Variants in PPARGC1A observed in about 807,000 individuals in gnomAD.
PPARGC1A encodes peroxisome proliferator-activated receptor gamma coactivator 1-alpha.
PPARGC1A carries 25 observed loss-of-function variants against 88.7 expected under a neutral mutation model. The ratio of observed to expected loss-of-function variants is 0.28; its 90% CI spans 0.21 to 0.39. PPARGC1A has a LOEUF of 0.39. Among genes scored for constraint, PPARGC1A ranks in the 10% least tolerant of loss-of-function variants. The pLI is 1.00. For synonymous variants in PPARGC1A, 363 were observed against 355.6 expected, an observed-to-expected ratio of 1.02 and a Z score of -0.24; for missense variants, 880 against 968.7, an observed-to-expected ratio of 0.91 and a Z score of 1.22.
upstream of PPARGC1A, among the ~76,000 whole-genome samples, chr4:23,907,022 T>G (rs1484992419): frequency 6.6e-6 from 1 of 152,206 alleles, no homozygotes; most frequent in Non-Finnish European, 1.5e-5. Context: ...CCTGGCAGTC[T>G]GGCGAGCTAT....
chr4:24,145,625 G>A, the PPARGC1A span, among the ~76,000 whole-genome samples: 95 of 152,290 alleles, frequency 6.2e-4, no homozygotes, highest in African/African-American at 2.3e-3. Context: ...TGTAGGAGAG[G>A]CAATGTTTAA....
At chr4:24,056,848 G>C in the PPARGC1A span, among the ~76,000 whole-genome samples, 1 of 152,286 alleles carries the variant, frequency 6.6e-6, no homozygotes, top group African/African-American at 2.4e-5. Context: ...GTGCACTATT[G>C]GTGGAGTGTA....
chr4:23,888,111 G>A (rs1717217729), intron 1 of PPARGC1A, among the ~76,000 whole-genome samples: 2 of 152,322 alleles, frequency 1.3e-5, no homozygotes, highest in Middle Eastern at 3.4e-3. Context: ...GCTACCTGCT[G>A]CTCGTAATAT....
At chr4:24,346,210 A>G in the PPARGC1A span, among the ~76,000 whole-genome samples, 7 of 152,116 alleles carry the variant, frequency 4.6e-5, no homozygotes, top group African/African-American at 1.2e-4. Context: ...TTTAGCATCT[A>G]TGTTCATCAG....
the PPARGC1A span, among the ~76,000 whole-genome samples, chr4:24,291,037 C>T: frequency 6.6e-6 from 1 of 152,212 alleles, no homozygotes; most frequent in African/African-American, 2.4e-5. Context: ...ATTCACCCCT[C>T]CTCTCTGGTT....
chr4:24,235,434 A>G, the PPARGC1A span, among the ~76,000 whole-genome samples: 4 of 152,152 alleles, frequency 2.6e-5, no homozygotes, highest in African/African-American at 9.7e-5. Flanking sequence ...CCACATGAGA[A>G]TTGTCTGATG....
chr4:24,148,287 A>G, the PPARGC1A span, among the ~76,000 whole-genome samples: 2 of 152,180 alleles, frequency 1.3e-5, no homozygotes, highest in South Asian at 2.1e-4. Context: ...TTGTCCCTGT[A>G]TCTTTGGCTC....
chr4:23,816,439 C>T (rs1259880243), intron 7 of PPARGC1A, among the ~76,000 whole-genome samples: 1 of 152,134 alleles, frequency 6.6e-6, no homozygotes, highest in African/African-American at 2.4e-5. Flanking sequence ...TATCTTTTCT[C>T]TCCATTTTCA....
At chr4:24,099,980 G>A in the PPARGC1A span, among the ~76,000 whole-genome samples, 1 of 131,892 alleles carries the variant, frequency 7.6e-6, no homozygotes, top group Admixed American at 7.9e-5. Context: ...TGTGGGGTGG[G>A]GGGAGGGGGG....
the PPARGC1A span, among the ~76,000 whole-genome samples, chr4:24,386,973 C>T: frequency 6.6e-6 from 1 of 152,180 alleles, no homozygotes; most frequent in Non-Finnish European, 1.5e-5. Flanking sequence ...AGGCATCATG[C>T]TACCCGACTT....
At chr4:23,910,876 T>C in the PPARGC1A span, among the ~76,000 whole-genome samples, 2 of 152,090 alleles carry the variant, frequency 1.3e-5, no homozygotes, top group South Asian at 2.1e-4. Flanking sequence ...GGGTTACACA[T>C]GTAACATGCA....
At chr4:23,817,112 A>T (rs1722132031) in intron 7 of PPARGC1A, among the ~76,000 whole-genome samples, 1 of 152,164 alleles carries the variant, frequency 6.6e-6, no homozygotes, top group Admixed American at 6.5e-5. Flanking sequence ...TTTTAGATTT[A>T]TAAAAAGAAA....
the PPARGC1A span, among the ~76,000 whole-genome samples, chr4:24,010,560 A>C: frequency 1.3e-5 from 2 of 152,094 alleles, no homozygotes; most frequent in Non-Finnish European, 2.9e-5. Flanking sequence ...GGAAGGACAG[A>C]CCAAAAAAAA....
the PPARGC1A span, among the ~76,000 whole-genome samples, chr4:24,268,527 T>C: frequency 6.6e-6 from 1 of 152,198 alleles, no homozygotes; most frequent in African/African-American, 2.4e-5. Flanking sequence ...ATTTCATAGA[T>C]AAGTAATACA....
chr4:24,144,638 G>C, the PPARGC1A span, among the ~76,000 whole-genome samples: 2 of 147,406 alleles, frequency 1.4e-5, no homozygotes, highest in Admixed American at 6.7e-5. Context: ...CGCAGAGAGG[G>C]AGCCACCGAG....
intron 2 of PPARGC1A, among the ~76,000 whole-genome samples, chr4:23,877,362 A>AAAC (rs2148803963): frequency 1.6e-4 from 1 of 6,230 alleles, no homozygotes; most frequent in Admixed American, 6.6e-4. Context: ...TAAAAATACA[A>AAAC]AAAAAAAAAA....
upstream of PPARGC1A, among the ~76,000 whole-genome samples, chr4:23,902,952 A>G (rs115247219): frequency 2.8e-3 from 421 of 152,320 alleles, no homozygotes; most frequent in African/African-American, 9.8e-3. Flanking sequence ...AGGATTTCAC[A>G]TAGGTGCCTT....
rs1329399062 is a variant in PPARGC1A, at chr4:23,812,451, T to A, written c.2019+296A>T. On this transcript the variant is annotated intron_variant, in intron 10 of 12. Transcript: ENST00000264867. Reference sequence around the variant, plus strand: ...ATCCTGTGATCAGAAAGAACAAATATCTGACTGAAAAAAAAATCTCTACTC... The same window carrying A: ...ATCCTGTGATCAGAAAGAACAAATAACTGACTGAAAAAAAAATCTCTACTC... Among the ~76,000 whole-genome samples the A allele has an allele frequency of 2.0e-5, 3 of 151,924 alleles. No individual in the cohort carries two copies. The East Asian group carries it at 5.8e-4, about 29-fold the overall frequency.
At chr4:24,183,650 T>A in the PPARGC1A span, among the ~76,000 whole-genome samples, 3 of 152,154 alleles carry the variant, frequency 2.0e-5, no homozygotes, top group African/African-American at 7.2e-5. Context: ...TCCCATGATA[T>A]AAAATTATGT....
Sources: gnomAD v4.1 joint callset for allele counts (sites outside exome capture counted in the v4.1 genomes callset) on GRCh38, gnomAD v4.1.1 for gene constraint, MANE v1.5 for transcripts, NCBI Gene and HGNC (gene_info 2026-07-23, HGNC 2026-07-21) for gene names.